TRMT9B: variants seen among roughly 807,000 people sequenced by gnomAD.
The protein encoded by TRMT9B is probable tRNA methyltransferase 9B.
Under a neutral mutation model 11.5 loss-of-function variants are expected in TRMT9B, and 16 were observed. The observed-to-expected ratio is 1.39, with a 90% CI of 0.94 to 2.11. The LOEUF (loss-of-function observed/expected upper bound fraction) is 2.11, where lower values mean the gene tolerates loss of function less well. Ranked by LOEUF, TRMT9B falls within the 30% of genes most tolerant of loss-of-function variation. The pLI, the probability that TRMT9B is intolerant of heterozygous loss-of-function variation, is 0.00. For synonymous variants in TRMT9B, 274 were observed against 192.4 expected (o/e 1.42, Z -3.51); for missense variants, 941 against 553.8 (o/e 1.70, Z -7.02).
intron 1 of TRMT9B, among the ~76,000 whole-genome samples, chr8:12,978,830 C>G (rs189604853): frequency 2.0e-5 from 3 of 152,216 alleles, no homozygotes; most frequent in Non-Finnish European, 4.4e-5. Context: ...AGTCCAGACT[C>G]CCTGGTAAGC....
At chr8:12,999,320 A>G (rs1379170942) in intron 2 of TRMT9B, among the ~76,000 whole-genome samples, 2 of 146,412 alleles carry the variant, frequency 1.4e-5, no homozygotes, top group African/African-American at 5.3e-5. Flanking sequence ...AAAAAAGAAA[A>G]GAAAAAAAAA....
Position 12,999,026 on chromosome 8 carries a change from C to T in TRMT9B, c.-1-7176C>T, listed in dbSNP as rs995826591. 3.3e-5 allele frequency among the ~76,000 whole-genome samples: 5 copies of T among 151,946 alleles called. No individual in the cohort carries two copies. The East Asian group carries it at 9.7e-4, about 29-fold the overall frequency. On this transcript the variant is annotated intron_variant, in intron 2 of 4. Coordinates refer to ENST00000524591, the MANE Select transcript of TRMT9B (RefSeq NM_020844.3). ...TAAGAAAGATTGTTCAGGGGCTGGG[C>T]GCAGTGGCTCACGCCTGTAATCCTA...
Position 13,007,767 on chromosome 8 carries a change from G to GGGATAA in TRMT9B, c.154+1412_154+1417dup, listed in dbSNP as rs568716805. 1.8e-4 allele frequency: 27 copies of GGGATAA among 152,240 alleles called. 1 individual carries two copies. In the East Asian group the frequency reaches 5.2e-3, roughly 29 times the overall value. The allele number at this position is 152,240 out of a possible 1,614,324, so 9.4% of individuals were successfully genotyped here. On this transcript the variant is annotated intron_variant, in intron 3 of 4. Transcript: ENST00000524591. ...AAGGAACTATTCAGTAAATGGCTTT[G>GGGATAA]GGATAACGACATATATAATCAGAGA...
chr8:12,948,687 A>G lies in TRMT9B; in HGVS notation c.-200+2721A>G, dbSNP rs549008363. On this transcript the variant is annotated intron_variant, in intron 1 of 4. Transcript: ENST00000524591. ...ATTAGAAAAAAACAGAAGGCCAGGC[A>G]CGGTGGCTCATGCCTGTAATCCCAG... is the stretch of plus-strand genomic sequence containing the variant. 4.4e-4 allele frequency among the ~76,000 whole-genome samples: 67 copies of G among 152,148 alleles called. No individual in the cohort carries two copies. In the South Asian group the frequency reaches 0.013, roughly 30 times the overall value.
intron 1 of TRMT9B, among the ~76,000 whole-genome samples, chr8:12,981,962 G>A (rs139006561): frequency 9.8e-4 from 149 of 152,212 alleles, no homozygotes; most frequent in African/African-American, 3.5e-3. Context: ...CAATTTCAAA[G>A]GACTCTCCTT....
intron 1 of TRMT9B, among the ~76,000 whole-genome samples, chr8:12,967,561 T>G (rs1585124643): frequency 6.6e-6 from 1 of 152,238 alleles, no homozygotes; most frequent in Non-Finnish European, 1.5e-5. Context: ...AATTAGATTG[T>G]TTTTAGCTTT....
chr8:13,012,307 T>C, intron 3 of TRMT9B: 2 of 981,832 alleles, frequency 2.0e-6, no homozygotes, highest in Non-Finnish European at 2.4e-6. Context: ...CCAGGCACAG[T>C]GGCTTGCACC....
At chr8:12,952,209 G>A (rs934505253) in intron 1 of TRMT9B, 1 of 451,290 alleles carries the variant, frequency 2.2e-6, no homozygotes, top group Non-Finnish European at 4.5e-6. Flanking sequence ...CCGGCGACCG[G>A]AGCACTGACA....
chr8:13,011,390 A>G (rs1432116989), intron 3 of TRMT9B: 2 of 985,196 alleles, frequency 2.0e-6, no homozygotes, highest in African/African-American at 1.7e-5. Flanking sequence ...CCTAGTAAGG[A>G]GGGGTTATTA....
intron 1 of TRMT9B, among the ~76,000 whole-genome samples, chr8:12,949,083 A>G (rs1038877081): frequency 4.6e-5 from 7 of 152,222 alleles, no homozygotes; most frequent in African/African-American, 1.4e-4. Context: ...TTGTTTCTAC[A>G]TAGACTCTAC....
At chr8:12,963,210 A>C (rs182395922) in intron 1 of TRMT9B, among the ~76,000 whole-genome samples, 1 of 152,200 alleles carries the variant, frequency 6.6e-6, no homozygotes, top group African/African-American at 2.4e-5. Context: ...AAGGTGGGCG[A>C]TTCATGAGGT....
intron 1 of TRMT9B, among the ~76,000 whole-genome samples, chr8:12,964,384 C>T (rs1410028443): frequency 3.3e-5 from 5 of 152,188 alleles, no homozygotes; most frequent in Non-Finnish European, 5.9e-5. Flanking sequence ...AGAACATTTC[C>T]ATCCTGCCGC....
intron 1 of TRMT9B, among the ~76,000 whole-genome samples, chr8:12,959,071 A>G (rs982988170): frequency 6.6e-6 from 1 of 152,128 alleles, no homozygotes; most frequent in Non-Finnish European, 1.5e-5. Context: ...GTGCACATGT[A>G]CCCTAGAACT....
intron 1 of TRMT9B, among the ~76,000 whole-genome samples, chr8:12,980,757 G>A (rs1341682985): frequency 1.3e-5 from 2 of 152,112 alleles, no homozygotes. Context: ...TGTGTTAGGT[G>A]GTGTAGAGGA....
chr8:12,961,240 G>A (rs779199155), intron 1 of TRMT9B, among the ~76,000 whole-genome samples: 28 of 152,128 alleles, frequency 1.8e-4, no homozygotes, highest in Non-Finnish European at 3.4e-4. Flanking sequence ...CTAATACAAA[G>A]AGTGAATCCT....
chr8:12,977,385 A>G (rs917408623), intron 1 of TRMT9B, among the ~76,000 whole-genome samples: 24 of 152,260 alleles, frequency 1.6e-4, no homozygotes, highest in Middle Eastern at 3.4e-3. Context: ...GGAAGTCACC[A>G]TGACCATCTT....
intron 1 of TRMT9B, among the ~76,000 whole-genome samples, chr8:12,985,610 TG>T (rs1806165933): frequency 6.6e-6 from 1 of 152,176 alleles, no homozygotes; most frequent in South Asian, 2.1e-4. Flanking sequence ...CACCCATCTT[TG>T]TTTGTCTTAC....
chr8:12,981,725 G>C (rs148870454), intron 1 of TRMT9B, among the ~76,000 whole-genome samples: 5 of 151,884 alleles, frequency 3.3e-5, no homozygotes, highest in African/African-American at 1.2e-4. Context: ...TCAGTCTCCT[G>C]AGTAGCTAGG....
At chr8:12,989,019 C>A (rs1217293510) in intron 1 of TRMT9B, among the ~76,000 whole-genome samples, 1 of 152,002 alleles carries the variant, frequency 6.6e-6, no homozygotes, top group Admixed American at 6.6e-5. Flanking sequence ...TTACATCTGC[C>A]AGAGATTCAG....
Sources: gnomAD v4.1 joint callset for allele counts (sites outside exome capture counted in the v4.1 genomes callset) on GRCh38, gnomAD v4.1.1 for gene constraint, MANE v1.5 for transcripts, NCBI Gene and HGNC (gene_info 2026-07-23, HGNC 2026-07-21) for gene names.